TSC2: variants seen among roughly 807,000 people sequenced by gnomAD.
TSC2 encodes the protein TSC complex subunit 2.
A neutral mutation model predicts 202.2 loss-of-function variants in TSC2; 29 were observed. That is an observed-to-expected ratio of 0.14 (90% confidence interval 0.11 to 0.20). The LOEUF (loss-of-function observed/expected upper bound fraction) is 0.20, where lower values mean the gene tolerates loss of function less well. Ranked by LOEUF, TSC2 falls within the 10% of genes least tolerant of loss-of-function variation. The probability of loss-of-function intolerance (pLI) is 1.00; values close to 1 mark genes in which losing one functional copy is unlikely to be tolerated. For synonymous variants in TSC2, 1,349 were observed against 1,044.0 expected (o/e 1.29, Z -5.63); for missense variants, 2,429 against 2,420.0 (o/e 1.00, Z -0.08).
chr16:2,072,506 T>G, intron 20 of TSC2, 143 bp downstream of exon 20: 1 of 1,367,916 alleles, frequency 7.3e-7, no homozygotes, highest in East Asian at 2.3e-5. Context: ...GGAGCGCAGA[T>G]TGTGCCTTGG....
chr16:2,061,076 CAG>C, intron 11 of TSC2: 1 of 515,654 alleles, frequency 1.9e-6, no homozygotes. Context: ...CCACAGTCCG[CAG>C]AGTGACCTGC....
intron 4 of TSC2, chr16:2,053,817 T>A: frequency 2.0e-6 from 1 of 509,448 alleles, no homozygotes; most frequent in South Asian, 1.5e-5. Flanking sequence ...CTGCATTCCA[T>A]CTGTGCTGGT....
rs569912958 is a variant in TSC2 at position 2,070,598 on chromosome 16, G to C, written c.1839+20G>C. 4.3e-6 allele frequency: 7 copies of C among 1,612,722 alleles called. No individual in the cohort carries two copies. Among genetic ancestry groups the C allele is most frequent in the Middle Eastern group, 1.7e-4 (1 of 6,058 alleles). ...CTGCAGGTATGGTGGCTGGGGTTGC[G>C]CAGCCAGTTCCTGGGGGCCCAGCCA... is the stretch of plus-strand genomic sequence containing the variant. On this transcript the variant is annotated intron_variant, in intron 17 of 41. Transcript: ENST00000219476.
Position 2,070,446 on chromosome 16 carries a change from C to T in TSC2, c.1717-10C>T, listed in dbSNP as rs377168627. ...CCTGCGCCGTGGTGAGCTGCGTCCTCTCTCTGCAGACCAAGCTGTACACCC... is the reference window on the plus strand; with the variant it reads ...CCTGCGCCGTGGTGAGCTGCGTCCTTTCTCTGCAGACCAAGCTGTACACCC... On this transcript the variant is annotated splice_polypyrimidine_tract_variant and intron_variant, in intron 16 of 41. Coordinates refer to ENST00000219476, the MANE Select transcript of TSC2 (RefSeq NM_000548.5). 3 of 1,613,256 alleles carry T rather than the reference C, an allele frequency of 1.9e-6. No homozygotes were observed. Among genetic ancestry groups the T allele is most frequent in the African/African-American group, 1.3e-5 (1 of 74,940 alleles).
At chr16:2,062,815 C>T (rs922356374) in intron 13 of TSC2, 157 bp from the exon 14 acceptor site, 11 of 959,032 alleles carry the variant, frequency 1.1e-5, no homozygotes, top group African/African-American at 6.5e-5. Flanking sequence ...TTTCGGGGGT[C>T]GTCTGGAGAG....
chr16:2,076,628 G>T, intron 25 of TSC2, 43 bp downstream of exon 25: 1 of 1,601,562 alleles, frequency 6.2e-7, no homozygotes. Context: ...GTGGGGTGGG[G>T]AAGGACATGG....
At chr16:2,084,768 G>A in intron 34 of TSC2, 53 bp downstream of exon 34, 1 of 1,598,470 alleles carries the variant, frequency 6.3e-7, no homozygotes, top group Non-Finnish European at 8.5e-7. Context: ...GCGGGAACCT[G>A]GTGCCTCACT....
chr16:2,052,164 G>T (rs992498916), intron 3 of TSC2, among the ~76,000 whole-genome samples: 4 of 151,872 alleles, frequency 2.6e-5, no homozygotes, highest in Non-Finnish European at 5.9e-5. Flanking sequence ...CCGAGGCTGG[G>T]ATGGTCCCGG....
rs1596439135 is a variant in TSC2 at position 2,086,300 on chromosome 16, C to T, written c.4770C>T (p.Asp1590=). The T allele has an allele frequency of 2.5e-6, 4 of 1,612,954 alleles. No homozygotes were observed. The highest frequency in any genetic ancestry group is 3.4e-6 in the Non-Finnish European group (4 of 1,179,970). ...RLIELKDCQP[D]KVYLGGLDVC... ...TCGAGCTGAAGGACTGCCAGCCGGA[C>T]AAGGTGTACCTGGGAGGCCTGGACG... is the stretch of plus-strand genomic sequence containing the variant. Residue 1590 remains aspartate (D), a synonymous_variant, in exon 37 of 42, where the codon GAC becomes GAT. Transcript: ENST00000219476.
rs559015964 is a variant in TSC2 at position 2,079,200 on chromosome 16, C to G, written c.3131+4C>G. ...ACTTCACGGCTGTCCCGAAGAGGTC[C>G]AGGCGGCACTACAGGGCTGGGCGGG... On this transcript the variant is annotated splice_donor_region_variant and intron_variant, in intron 27 of 41. Transcript: ENST00000219476. This position sits in a 1 kb window ranked among gnomAD's most constrained non-coding sequence, Gnocchi z 4.6. The G allele has an allele frequency of 1.2e-6, 2 of 1,612,790 alleles. No homozygotes were observed. The highest frequency in any genetic ancestry group is 4.5e-5 in the East Asian group (2 of 44,880).
intron 30 of TSC2, chr16:2,080,716 C>T (rs1027312759): frequency 2.9e-5 from 9 of 306,330 alleles, no homozygotes; most frequent in South Asian, 6.8e-5. Flanking sequence ...AATCTCCTGA[C>T]CTCGTGATCC....
At position 2,079,735 on chromosome 16, in the gene TSC2, T is replaced by G; in HGVS notation, c.3397+66T>G. ...CTCCCTCAGTTGCTGCTGGTCCCAG[T>G]GTTCAGGAAGGCCCCGAGCCCAGGG... On this transcript the variant is annotated intron_variant, in intron 29 of 41. Transcript: ENST00000219476. The surrounding 1 kb of genome is among the most constrained non-coding windows in gnomAD (Gnocchi z 4.6). 6.7e-7 allele frequency: 1 copy of G among 1,497,778 alleles called. No individual in the cohort carries two copies. Among genetic ancestry groups the G allele is most frequent in the Non-Finnish European group, 9.0e-7 (1 of 1,112,154 alleles). The allele number at this position is 1,497,778 out of a possible 1,614,324, so 92.8% of individuals were successfully genotyped here. A position where few individuals can be genotyped will look rare whatever the true frequency, so the allele number is the denominator to read the frequency against.
intron 24 of TSC2, 27 bp downstream of exon 24, chr16:2,076,197 G>A (rs749926022): frequency 6.2e-7 from 1 of 1,613,122 alleles, no homozygotes; most frequent in Non-Finnish European, 8.5e-7. Context: ...TGAAGGCTGT[G>A]TCTCTCGGTA....
At chr16:2,078,857 G>C (rs1420693468) in intron 26 of TSC2, 175 bp from the exon 27 acceptor site, 1 of 781,742 alleles carries the variant, frequency 1.3e-6, no homozygotes, top group Non-Finnish European at 2.1e-6. Context: ...CGTTCTCTGG[G>C]ACAATGTGGT....
At chr16:2,087,323 A>T in intron 38 of TSC2, 1 of 328,092 alleles carries the variant, frequency 3.0e-6, no homozygotes, top group Non-Finnish European at 5.9e-6. Flanking sequence ...TGGCGGGGAG[A>T]GCTGGCATGG....
chr16:2,087,250 C>A (rs1395467846), intron 38 of TSC2: 1 of 369,082 alleles, frequency 2.7e-6, no homozygotes, highest in Non-Finnish European at 5.2e-6. Context: ...ACCAGCGTCA[C>A]CCTCTTCCTG....
At chr16:2,069,072 C>G (rs1161551650) in intron 16 of TSC2, among the ~76,000 whole-genome samples, 2 of 151,960 alleles carry the variant, frequency 1.3e-5, no homozygotes, top group Admixed American at 6.6e-5. Flanking sequence ...CCCATGAAGG[C>G]CAGCCTCGTG....
rs1596416623 is a variant in TSC2 at position 2,084,424 on chromosome 16, C to G, written c.4202C>G (p.Pro1401Arg). Residue 1401 changes from proline to arginine, a missense_variant, in exon 34 of 42, where the codon CCT (proline) becomes CGT (arginine). Transcript: ENST00000219476. Reference protein sequence around the residue: ...LQTLQDILGDPGDKADVGRLS... With the variant: ...LQTLQDILGDRGDKADVGRLS... ...ACTCTGCAGGACATCCTCGGGGACC[C>G]TGGGGACAAGGCCGACGTGGGCCGG... The G allele has an allele frequency of 6.2e-6, 10 of 1,611,246 alleles. No individual in the cohort carries two copies. Among genetic ancestry groups the G allele is most frequent in the Non-Finnish European group, 8.5e-6 (10 of 1,179,428 alleles).
chr16:2,052,639 A>G (rs2085275152), intron 3 of TSC2, among the ~76,000 whole-genome samples: 4 of 152,100 alleles, frequency 2.6e-5, no homozygotes, highest in Admixed American at 2.6e-4. Context: ...TCCCCTCCTT[A>G]GAGGAGTAAG....
Sources: allele counts gnomAD v4.1 joint callset (sites outside exome capture counted in the v4.1 genomes callset), GRCh38; gene constraint gnomAD v4.1.1; non-coding constraint Gnocchi (gnomAD v3.1); transcripts MANE v1.5; gene names NCBI Gene and HGNC (gene_info 2026-07-23, HGNC 2026-07-21).